The following UMAD1 variants were observed in gnomAD, a reference collection of about 807,000 sequenced individuals.
The protein encoded by UMAD1 is UBAP1-MVB12-associated (UMA)-domain containing protein 1.
In UMAD1, 8 loss-of-function variants were observed where a neutral mutation model predicts 6.1. That is an observed-to-expected ratio of 1.30 (90% CI 0.76 to 2.35). The LOEUF (loss-of-function observed/expected upper bound fraction) is 2.35. UMAD1 is among the 30% of genes most tolerant of loss of function. The pLI is 0.00. For missense variants in UMAD1, 130 were observed against 78.4 expected (o/e 1.66, Z -2.49); for synonymous variants, 56 against 31.4 (o/e 1.78, Z -2.61).
At chr7:7,808,552 A>G (rs1032113832) in intron 3 of UMAD1, among the ~76,000 whole-genome samples, 2 of 152,018 alleles carry the variant, frequency 1.3e-5, no homozygotes, top group Admixed American at 6.6e-5. Context: ...TAATATAACT[A>G]TGTCTAATTT....
At chr7:7,829,615 A>T (rs1210821758) in intron 3 of UMAD1, among the ~76,000 whole-genome samples, 1 of 152,220 alleles carries the variant, frequency 6.6e-6, no homozygotes, top group Non-Finnish European at 1.5e-5. Flanking sequence ...ATAGCACTTT[A>T]TATTTTTATT....
chr7:7,717,075 G>A (rs949464298), intron 2 of UMAD1, among the ~76,000 whole-genome samples: 4 of 62,898 alleles, frequency 6.4e-5, no homozygotes, highest in African/African-American at 2.3e-4. Context: ...TTTTTTTTTT[G>A]AGACGGAGTC....
At chr7:7,871,623 C>G (rs1784334626) in intron 3 of UMAD1, among the ~76,000 whole-genome samples, 1 of 152,126 alleles carries the variant, frequency 6.6e-6, no homozygotes, top group Admixed American at 6.5e-5. Flanking sequence ...TCATTGTCAT[C>G]CTAGTTGTCT....
chr7:7,866,754 C>T lies in UMAD1; in HGVS notation c.157-10527C>T, dbSNP rs574461439. ...GCAAGGCCAGGTCATGCTTGTGTGTCGTGATAAGGAGTTTGGTCTTTTTTC... is the reference window on the plus strand; with the variant it reads ...GCAAGGCCAGGTCATGCTTGTGTGTTGTGATAAGGAGTTTGGTCTTTTTTC... On this transcript the variant is annotated intron_variant, in intron 3 of 3. Transcript: ENST00000682710. Among the ~76,000 whole-genome samples the T allele has an allele frequency of 5.4e-4, 82 of 152,154 alleles. 1 individual carries two copies. In the South Asian group the frequency reaches 0.016, roughly 30 times the overall value.
intron 2 of UMAD1, among the ~76,000 whole-genome samples, chr7:7,720,715 TAAAAC>T (rs1781030787): frequency 6.6e-6 from 1 of 152,208 alleles, no homozygotes; most frequent in South Asian, 2.1e-4. Flanking sequence ...ACATTTTTAT[TAAAAC>T]AAGGGGCATT....
At chr7:7,741,571 C>G (rs6956186) in intron 2 of UMAD1, among the ~76,000 whole-genome samples, 1 of 135,084 alleles carries the variant, frequency 7.4e-6, no homozygotes, top group Admixed American at 7.5e-5. Flanking sequence ...AGCGAGACAA[C>G]GTCTCAAAAT....
intron 1 of UMAD1, among the ~76,000 whole-genome samples, chr7:7,653,465 C>G (rs1395240156): frequency 2.6e-5 from 4 of 152,150 alleles, no homozygotes; most frequent in Admixed American, 6.5e-5. Flanking sequence ...TAGCATCCTT[C>G]TTTAGGAAAA....
In UMAD1 at chr7:7,878,951, C is replaced by T. The variant is rs1296537838; in HGVS notation, c.*1413C>T. On this transcript the variant is annotated 3_prime_UTR_variant, in exon 4 of 4. Transcript: ENST00000682710. ...TCAGTCTAGGAAATATGACTTATTA[C>T]TGATGCAAACGTGAACATTTTGTAG... is the stretch of plus-strand genomic sequence containing the variant. The T allele has an allele frequency of 2.6e-5, 4 of 152,146 alleles. No individual in the cohort carries two copies. Among genetic ancestry groups the T allele is most frequent in the Non-Finnish European group, 4.4e-5 (3 of 68,004 alleles). 9.4% of individuals were successfully genotyped at this position (152,146 alleles called of 1,614,324 possible).
At chr7:7,842,809 G>C (rs774021578) in intron 3 of UMAD1, among the ~76,000 whole-genome samples, 1 of 152,086 alleles carries the variant, frequency 6.6e-6, no homozygotes, top group Non-Finnish European at 1.5e-5. Context: ...AAATATTTAA[G>C]CACCTGTGAT....
chr7:7,777,823 A>G (rs1052241888), intron 2 of UMAD1, among the ~76,000 whole-genome samples: 1 of 152,056 alleles, frequency 6.6e-6, no homozygotes, highest in Non-Finnish European at 1.5e-5. Flanking sequence ...CAATATAGTT[A>G]AGGGGGAAAT....
intron 2 of UMAD1, among the ~76,000 whole-genome samples, chr7:7,788,308 A>G (rs1226779378): frequency 6.6e-6 from 1 of 152,176 alleles, no homozygotes; most frequent in Non-Finnish European, 1.5e-5. Flanking sequence ...TTGAGTACAT[A>G]TTGTTAGCTG....
chr7:7,696,697 T>C (rs1032383127), intron 2 of UMAD1, among the ~76,000 whole-genome samples: 1 of 152,110 alleles, frequency 6.6e-6, no homozygotes, highest in Non-Finnish European at 1.5e-5. Flanking sequence ...CCGTAAAGAT[T>C]TTTCTGCCTC....
rs368188886 is a variant in UMAD1 at position 7,878,798 on chromosome 7, A to G, written c.*1260A>G. On this transcript the variant is annotated 3_prime_UTR_variant, in exon 4 of 4. Coordinates refer to ENST00000682710, the MANE Select transcript of UMAD1 (RefSeq NM_001302348.2). ...GTTTAATAAATGTGGCATGGTTTTA[A>G]TACAAATGCTATGTTATTTAAAAGT... 1 of 152,218 alleles carries G rather than the reference A, an allele frequency of 6.6e-6. No homozygotes were observed. The highest frequency in any genetic ancestry group is 1.9e-4 in the East Asian group (1 of 5,204). The allele number at this position is 152,218 out of a possible 1,614,324, so 9.4% of individuals were successfully genotyped here. A position where few individuals can be genotyped will look rare whatever the true frequency, so the allele number is the denominator to read the frequency against.
intron 1 of UMAD1, among the ~76,000 whole-genome samples, chr7:7,665,002 G>T (rs1401681761): frequency 1.3e-5 from 2 of 151,132 alleles, no homozygotes; most frequent in Non-Finnish European, 1.5e-5. Context: ...GTGATATATA[G>T]ATATATATAT....
At chr7:7,835,847 A>C (rs1291166639) in intron 3 of UMAD1, among the ~76,000 whole-genome samples, 1 of 151,904 alleles carries the variant, frequency 6.6e-6, no homozygotes, top group Non-Finnish European at 1.5e-5. Flanking sequence ...GTTATGAGTA[A>C]TATCTTGCTT....
intron 2 of UMAD1, among the ~76,000 whole-genome samples, chr7:7,696,398 T>C (rs1780318645): frequency 6.6e-6 from 1 of 152,082 alleles, no homozygotes; most frequent in South Asian, 2.1e-4. Flanking sequence ...GATCTTAGTA[T>C]AAAATTCTAA....
At chr7:7,874,311 C>T (rs894976744) in intron 3 of UMAD1, among the ~76,000 whole-genome samples, 3 of 152,224 alleles carry the variant, frequency 2.0e-5, no homozygotes, top group Admixed American at 6.5e-5. Flanking sequence ...CCACTTCTTT[C>T]CCCGGCCACC....
intron 1 of UMAD1, among the ~76,000 whole-genome samples, chr7:7,658,717 A>G (rs1220402801): frequency 1.3e-5 from 2 of 152,180 alleles, no homozygotes; most frequent in Admixed American, 6.5e-5. Context: ...GTTTGCCAGT[A>G]TCTTATTGAG....
chr7:7,778,476 T>TG (rs1274705846), intron 2 of UMAD1, among the ~76,000 whole-genome samples: 1 of 151,878 alleles, frequency 6.6e-6, no homozygotes, highest in Non-Finnish European at 1.5e-5. Flanking sequence ...CATGCTGGAG[T>TG]GCAGGGGTGC....
Sources: allele counts gnomAD v4.1 joint callset (sites outside exome capture counted in the v4.1 genomes callset), GRCh38; gene constraint gnomAD v4.1.1; transcripts MANE v1.5; gene names NCBI Gene and HGNC (gene_info 2026-07-23, HGNC 2026-07-21).